The following TXLNB variants were observed in gnomAD, a reference collection of about 807,000 sequenced individuals.
TXLNB encodes the protein beta-taxilin.
TXLNB carries 37 observed loss-of-function variants against 57.4 expected under a neutral mutation model. That is an observed-to-expected ratio of 0.64 (90% CI 0.50 to 0.85). The LOEUF is 0.85. Ranked by LOEUF, TXLNB falls within the 40% of genes least tolerant of loss-of-function variation. The probability of loss-of-function intolerance (pLI) is 0.00; values close to 1 mark genes in which losing one functional copy is unlikely to be tolerated. For synonymous variants in TXLNB, 302 were observed against 309.6 expected, an observed-to-expected ratio of 0.98 and a Z score of 0.26; for missense variants, 848 against 825.6, an observed-to-expected ratio of 1.03 and a Z score of -0.33.
the TXLNB span, among the ~76,000 whole-genome samples, chr6:139,181,447 TCCATGCTGTAGACGTC>T: frequency 6.6e-6 from 1 of 152,176 alleles, no homozygotes; most frequent in Non-Finnish European, 1.5e-5. Context: ...GTCCAGTGGA[TCCATGCTGTAGACGTC>T]CCACGCCTAT....
At chr6:139,323,789 C>G in the TXLNB span, among the ~76,000 whole-genome samples, 2 of 152,256 alleles carry the variant, frequency 1.3e-5, no homozygotes, top group South Asian at 4.1e-4. Flanking sequence ...CCTAGTTTAC[C>G]TCCGGGCTTC....
chr6:139,316,517 C>T, the TXLNB span, among the ~76,000 whole-genome samples: 2 of 152,128 alleles, frequency 1.3e-5, no homozygotes, highest in African/African-American at 4.8e-5. Context: ...TTCCCACTTG[C>T]CCAGGCTGTA....
chr6:139,159,473 T>A, the TXLNB span, among the ~76,000 whole-genome samples: 1 of 151,148 alleles, frequency 6.6e-6, no homozygotes, highest in African/African-American at 2.4e-5. Context: ...AAAAAAAAAA[T>A]GGTACCTGGG....
chr6:139,254,440 G>A (rs1776284402), intron 7 of TXLNB, among the ~76,000 whole-genome samples: 1 of 152,146 alleles, frequency 6.6e-6, no homozygotes, highest in African/African-American at 2.4e-5. Flanking sequence ...TGCCTTCGGT[G>A]AATTTCTCCC....
At chr6:139,285,403 T>C (rs1427018267) in intron 2 of TXLNB, among the ~76,000 whole-genome samples, 2 of 143,616 alleles carry the variant, frequency 1.4e-5, no homozygotes, top group African/African-American at 5.1e-5. Context: ...TTTTGTATAT[T>C]GTCTTACGGA....
At chr6:139,316,597 T>C in the TXLNB span, among the ~76,000 whole-genome samples, 2 of 152,252 alleles carry the variant, frequency 1.3e-5, no homozygotes, top group Non-Finnish European at 2.9e-5. Context: ...ATGTTGCTGA[T>C]CTTGAATAAA....
At chr6:139,252,293 G>A (rs906970082) in intron 7 of TXLNB, among the ~76,000 whole-genome samples, 4 of 152,222 alleles carry the variant, frequency 2.6e-5, no homozygotes, top group African/African-American at 9.6e-5. Flanking sequence ...TAAAGGCAGC[G>A]TAAAACCAAA....
the TXLNB span, among the ~76,000 whole-genome samples, chr6:139,219,596 T>A: frequency 6.6e-6 from 1 of 152,186 alleles, no homozygotes; most frequent in Non-Finnish European, 1.5e-5. Flanking sequence ...ACTGGAGACG[T>A]CAGGAAGCGA....
At chr6:139,290,666 A>G (rs924891468) in intron 1 of TXLNB, among the ~76,000 whole-genome samples, 2 of 152,140 alleles carry the variant, frequency 1.3e-5, no homozygotes, top group Admixed American at 6.5e-5. Context: ...GTTTCTGACT[A>G]TTACCACTTC....
chr6:139,286,510 G>A (rs34505688), intron 2 of TXLNB, among the ~76,000 whole-genome samples: 52,656 of 151,002 alleles, frequency 0.35, 10,397 homozygotes, highest in African/African-American at 0.55. Context: ...TGACCGGACC[G>A]TTCAAAGGAA....
the TXLNB span, among the ~76,000 whole-genome samples, chr6:139,297,020 T>C: frequency 6.6e-6 from 1 of 152,106 alleles, no homozygotes; most frequent in Non-Finnish European, 1.5e-5. Context: ...CCTTAGTCTT[T>C]CCAGTCTACC....
the TXLNB span, among the ~76,000 whole-genome samples, chr6:139,314,990 G>A: frequency 6.6e-6 from 1 of 152,094 alleles, no homozygotes; most frequent in African/African-American, 2.4e-5. Context: ...TTACAACGTA[G>A]GGGTCATGCA....
At chr6:139,208,590 C>T in the TXLNB span, among the ~76,000 whole-genome samples, 4 of 152,124 alleles carry the variant, frequency 2.6e-5, no homozygotes, top group Non-Finnish European at 5.9e-5. Flanking sequence ...AAACATAATC[C>T]ACCATGATCA....
At chr6:139,289,105 C>A (rs912925640) in intron 1 of TXLNB, among the ~76,000 whole-genome samples, 192 bp from the exon 2 acceptor site, 7 of 152,202 alleles carry the variant, frequency 4.6e-5, no homozygotes, top group Non-Finnish European at 7.4e-5. Context: ...CGTCTTATGC[C>A]CAATTTCTGC....
chr6:139,266,581 A>AGAAT (rs1776620657), intron 4 of TXLNB, among the ~76,000 whole-genome samples: 1 of 152,216 alleles, frequency 6.6e-6, no homozygotes, highest in African/African-American at 2.4e-5. Context: ...AAGAATGTGA[A>AGAAT]GACTGACTCG....
intron 4 of TXLNB, chr6:139,268,986 A>G (rs1776688465): frequency 6.6e-6 from 1 of 152,088 alleles, no homozygotes; most frequent in African/African-American, 2.4e-5. Context: ...TGCAGGCTCG[A>G]ACTTCTGGGC....
chr6:139,311,462 G>A, the TXLNB span, among the ~76,000 whole-genome samples: 2 of 125,490 alleles, frequency 1.6e-5, no homozygotes. Context: ...TTGTCCATAA[G>A]CCCAAGCCAT....
At chr6:139,209,203 A>G in the TXLNB span, among the ~76,000 whole-genome samples, 1 of 152,170 alleles carries the variant, frequency 6.6e-6, no homozygotes, top group Admixed American at 6.5e-5. Flanking sequence ...GCTGTAAAAG[A>G]CAAACAAACA....
intron 7 of TXLNB, chr6:139,251,447 CT>C (rs1456074842): frequency 1.3e-5 from 2 of 152,254 alleles, no homozygotes; most frequent in African/African-American, 4.8e-5. Flanking sequence ...CACTCTCCTA[CT>C]TACTAAATGT....
Sources: allele counts gnomAD v4.1 joint callset (sites outside exome capture counted in the v4.1 genomes callset), GRCh38; gene constraint gnomAD v4.1.1; transcripts MANE v1.5; gene names NCBI Gene and HGNC (gene_info 2026-07-23, HGNC 2026-07-21).